Variants in GSE1 observed in about 807,000 individuals in gnomAD.
GSE1 encodes genetic suppressor element 1.
A neutral mutation model predicts 112.6 loss-of-function variants in GSE1; 32 were observed. That is an observed-to-expected ratio of 0.28 (90% CI 0.21 to 0.38). GSE1 has a LOEUF of 0.38. GSE1 is among the 10% of genes least tolerant of loss of function. The pLI is 1.00. For synonymous variants in GSE1, 1,115 were observed against 735.6 expected (o/e 1.52, Z -8.35); for missense variants, 2,348 against 1,699.2 (o/e 1.38, Z -6.71).
At chr16:85,653,693 C>T (rs1222555140) in intron 3 of GSE1, among the ~76,000 whole-genome samples, 1 of 152,128 alleles carries the variant, frequency 6.6e-6, no homozygotes, top group Non-Finnish European at 1.5e-5. Flanking sequence ...GCTCCAGGGC[C>T]AGGGCCACCC....
chr16:85,514,979 GT>G, intron 2 of GSE1, among the ~76,000 whole-genome samples: 1 of 152,186 alleles, frequency 6.6e-6, no homozygotes, highest in Non-Finnish European at 1.5e-5. Flanking sequence ...GTGCATGCAT[GT>G]TTGTGTGTGT....
rs2053446406 is a variant in GSE1 at position 85,672,706 on chromosome 16, T to G, written c.*167T>G. 1 of 454,822 alleles carries G rather than the reference T, an allele frequency of 2.2e-6. No homozygotes were observed. The highest frequency in any genetic ancestry group is 5.8e-5 in the South Asian group (1 of 17,190). The allele number at this position is 454,822 out of a possible 1,614,324, so 28.2% of individuals were successfully genotyped here. ...CCAGAAAAAATGAATGAACTCACCTTGACGTCAATGCAATTGAATCACCGT... is the reference window on the plus strand; with the variant it reads ...CCAGAAAAAATGAATGAACTCACCTGGACGTCAATGCAATTGAATCACCGT... On this transcript the variant is annotated 3_prime_UTR_variant, in exon 16 of 16. Coordinates refer to ENST00000253458, the MANE Select transcript of GSE1 (RefSeq NM_014615.5).
intron 14 of GSE1, among the ~76,000 whole-genome samples, chr16:85,669,665 G>A (rs1333965831): frequency 6.6e-6 from 1 of 152,194 alleles, no homozygotes; most frequent in Non-Finnish European, 1.5e-5. Context: ...GTTTTTTGGT[G>A]TGGTGTTGGG....
intron 1 of GSE1, among the ~76,000 whole-genome samples, chr16:85,236,249 G>A (rs1377863889): frequency 6.6e-6 from 1 of 152,208 alleles, no homozygotes; most frequent in African/African-American, 2.4e-5. Flanking sequence ...GAAGGGCCGG[G>A]TCCTAGGGCA....
At chr16:85,651,512 C>T (rs1312463728) in intron 3 of GSE1, among the ~76,000 whole-genome samples, 6 of 152,164 alleles carry the variant, frequency 3.9e-5, no homozygotes, top group Non-Finnish European at 5.9e-5. Context: ...GGTTCAAGGG[C>T]CGTGTCTGGG....
intron 2 of GSE1, among the ~76,000 whole-genome samples, chr16:85,411,011 GAGCCCCCCT>G (rs2048520600): frequency 1.8e-5 from 1 of 56,700 alleles, no homozygotes; most frequent in Non-Finnish European, 3.0e-5. Flanking sequence ...GTTACACTCA[GAGCCCCCCT>G]GGATAATCCT....
chr16:85,528,748 G>C (rs2052449472), intron 2 of GSE1, among the ~76,000 whole-genome samples: 1 of 152,106 alleles, frequency 6.6e-6, no homozygotes, highest in African/African-American at 2.4e-5. Flanking sequence ...ACCAAGGGTG[G>C]TGGGATGTCT....
intron 2 of GSE1, among the ~76,000 whole-genome samples, chr16:85,387,378 C>G (rs1190903141): frequency 6.6e-6 from 1 of 152,224 alleles, no homozygotes; most frequent in Non-Finnish European, 1.5e-5. Context: ...TCCTCAACCC[C>G]CCACGCATGC....
chr16:85,477,178 C>T (rs145087993), intron 2 of GSE1, among the ~76,000 whole-genome samples: 2 of 151,994 alleles, frequency 1.3e-5, no homozygotes, highest in Non-Finnish European at 2.9e-5. Flanking sequence ...TCCCAAAGTG[C>T]TGGGATGTAT....
At chr16:85,515,755 C>T (rs2051911718) in intron 2 of GSE1, among the ~76,000 whole-genome samples, 1 of 152,056 alleles carries the variant, frequency 6.6e-6, no homozygotes. Context: ...GGTGGAAACA[C>T]ATTGGAACCT....
chr16:85,669,789 T>C (rs913609465), intron 14 of GSE1, among the ~76,000 whole-genome samples: 1 of 152,204 alleles, frequency 6.6e-6, no homozygotes, highest in African/African-American at 2.4e-5. Context: ...AAGGCAGAAA[T>C]CTTAACTGTA....
At chr16:85,550,598 TG>T (rs886164699) in intron 2 of GSE1, among the ~76,000 whole-genome samples, 21 of 152,078 alleles carry the variant, frequency 1.4e-4, no homozygotes, top group Non-Finnish European at 2.9e-4. Context: ...GGCCTGGTCC[TG>T]GGGGGCCACC....
At chr16:85,388,327 G>GATAC (rs2047745377) in intron 2 of GSE1, among the ~76,000 whole-genome samples, 1 of 37,878 alleles carries the variant, frequency 2.6e-5, no homozygotes. Flanking sequence ...TGGATGGATG[G>GATAC]ATGAATGGAT....
chr16:85,473,760 C>G (rs1383310101), intron 2 of GSE1, among the ~76,000 whole-genome samples: 1 of 152,088 alleles, frequency 6.6e-6, no homozygotes, highest in Non-Finnish European at 1.5e-5. Context: ...AGATCATGGT[C>G]CTGTCTTTTG....
At chr16:85,579,966 A>C (rs1383525612) in intron 1 of GSE1, 2 of 152,420 alleles carry the variant, frequency 1.3e-5, no homozygotes, top group East Asian at 3.9e-4. Flanking sequence ...AGCGGCTGGA[A>C]CTGACTTAGT....
chr16:85,494,380 A>C (rs2051104358), intron 2 of GSE1, among the ~76,000 whole-genome samples: 1 of 151,512 alleles, frequency 6.6e-6, no homozygotes, highest in Non-Finnish European at 1.5e-5. Flanking sequence ...CTTGGGGCCC[A>C]CCCTATTCCA....
chr16:85,301,294 A>G (rs1047198649), intron 1 of GSE1, among the ~76,000 whole-genome samples: 5 of 152,242 alleles, frequency 3.3e-5, no homozygotes, highest in African/African-American at 1.2e-4. Context: ...GAACCCAGGC[A>G]GCTGGCAGGA....
intron 3 of GSE1, among the ~76,000 whole-genome samples, chr16:85,651,063 C>T (rs1267440778): frequency 8.1e-6 from 1 of 123,176 alleles, no homozygotes; most frequent in Admixed American, 7.8e-5. Flanking sequence ...CTCCCCCTCC[C>T]CCTCCGCCCC....
chr16:85,413,778 A>C (rs1036782068), intron 2 of GSE1, among the ~76,000 whole-genome samples: 1 of 152,118 alleles, frequency 6.6e-6, no homozygotes, highest in Non-Finnish European at 1.5e-5. Context: ...TCCCCACCCA[A>C]ATCTTGCCTT....
Sources: gnomAD v4.1 joint callset for allele counts (sites outside exome capture counted in the v4.1 genomes callset) on GRCh38, gnomAD v4.1.1 for gene constraint, MANE v1.5 for transcripts, NCBI Gene and HGNC (gene_info 2026-07-23, HGNC 2026-07-21) for gene names.